RBPMS: variants seen among roughly 807,000 people sequenced by gnomAD.
RBPMS encodes the protein RNA-binding protein with multiple splicing.
Under a neutral mutation model 26.8 loss-of-function variants are expected in RBPMS, and 7 were observed. The observed-to-expected ratio is 0.26, with a 90% confidence interval of 0.15 to 0.49. RBPMS has a LOEUF of 0.49. RBPMS is among the 20% of genes least tolerant of loss of function. RBPMS has a pLI of 0.98. For missense variants in RBPMS, 186 were observed against 250.0 expected (o/e 0.74, Z 1.73); for synonymous variants, 96 against 93.3 (o/e 1.03, Z -0.17).
In RBPMS at chr8:30,385,012, G is replaced by A. The variant is rs1347542680; in HGVS notation, c.-81G>A. 2.6e-6 allele frequency: 3 copies of A among 1,162,704 alleles called. No individual in the cohort carries two copies. Among genetic ancestry groups the A allele is most frequent in the Admixed American group, 7.8e-5 (2 of 25,538 alleles). 72.0% of individuals were successfully genotyped at this position (1,162,704 alleles called of 1,614,324 possible). ...CGCCCGAGGGAGCCCCGGCGCCCGG[G>A]GAAGGCTCCAGTGGGCTAGCGCGCC... is the stretch of plus-strand genomic sequence containing the variant. On this transcript the variant is annotated 5_prime_UTR_variant, in exon 1 of 9. Transcript: ENST00000397323.
At position 30,537,897 on chromosome 8, in the gene RBPMS, T is replaced by A. The variant is rs547068446; in HGVS notation, c.398-6597T>A. 1.9e-4 allele frequency among the ~76,000 whole-genome samples: 29 copies of A among 152,332 alleles called. No homozygotes were observed. In the South Asian group the frequency reaches 5.8e-3, roughly 30 times the overall value. ...TTGGACATGGGAAGTGATGGAGGCT[T>A]CTAGCCTGAGTAAAAGGGATAAAGG... On this transcript the variant is annotated intron_variant, in intron 5 of 8. Transcript: ENST00000397323.
At chr8:30,518,886 C>G (rs1352288435) in intron 5 of RBPMS, among the ~76,000 whole-genome samples, 1 of 151,398 alleles carries the variant, frequency 6.6e-6, no homozygotes, top group Non-Finnish European at 1.5e-5. Flanking sequence ...ACACCTCACA[C>G]CCTGAGCAGG....
chr8:30,560,871 A>G (rs1827407010), intron 7 of RBPMS, among the ~76,000 whole-genome samples: 1 of 152,202 alleles, frequency 6.6e-6, no homozygotes, highest in South Asian at 2.1e-4. Flanking sequence ...ACGAAACCAG[A>G]GGCCCCCATA....
intron 4 of RBPMS, among the ~76,000 whole-genome samples, chr8:30,495,925 C>T (rs1819894113): frequency 6.6e-6 from 1 of 152,170 alleles, no homozygotes; most frequent in South Asian, 2.1e-4. Flanking sequence ...CACACACGCT[C>T]TATTGGGAAT....
rs2150828835 is a variant in RBPMS, at chr8:30,474,935, A to C, written c.144+79A>C. ...TTCTGGGAGCTTTTTGAAGCAAGAA[A>C]TGAAATATTTGAGAAGAAAACAGAT... On this transcript the variant is annotated intron_variant, in intron 2 of 8. Coordinates refer to ENST00000397323, the MANE Select transcript of RBPMS (RefSeq NM_001008710.3). 3 of 916,032 alleles carry C rather than the reference A, an allele frequency of 3.3e-6. No homozygotes were observed. The South Asian group carries it at 4.2e-5, about 13-fold the overall frequency. The allele number at this position is 916,032 out of a possible 1,614,324, so 56.7% of individuals were successfully genotyped here.
At chr8:30,390,710 T>A (rs1002497923) in intron 1 of RBPMS, among the ~76,000 whole-genome samples, 1 of 152,202 alleles carries the variant, frequency 6.6e-6, no homozygotes, top group Admixed American at 6.5e-5. Flanking sequence ...AAAAGTTACT[T>A]TCTGTTATGT....
intron 1 of RBPMS, among the ~76,000 whole-genome samples, chr8:30,387,739 A>G (rs1244860800): frequency 1.3e-5 from 2 of 152,222 alleles, no homozygotes; most frequent in Admixed American, 1.3e-4. Flanking sequence ...CTTTCTCCAC[A>G]TTGTAGAACC....
chr8:30,447,441 G>A (rs975849720), intron 1 of RBPMS, among the ~76,000 whole-genome samples: 2 of 152,174 alleles, frequency 1.3e-5, no homozygotes, highest in African/African-American at 4.8e-5. Flanking sequence ...GCAATGTTTT[G>A]TGAATTTTGG....
chr8:30,469,466 A>G (rs939348269), intron 1 of RBPMS, among the ~76,000 whole-genome samples: 4 of 152,282 alleles, frequency 2.6e-5, no homozygotes, highest in Admixed American at 1.3e-4. Flanking sequence ...TCTTCTGCCC[A>G]GCACAGGATG....
chr8:30,518,258 C>T (rs748167334), intron 5 of RBPMS, among the ~76,000 whole-genome samples: 1 of 152,178 alleles, frequency 6.6e-6, no homozygotes, highest in South Asian at 2.1e-4. Context: ...CACAGGTTAA[C>T]TGGATCCTGC....
chr8:30,409,408 G>C (rs989345306), intron 1 of RBPMS, among the ~76,000 whole-genome samples: 2 of 152,046 alleles, frequency 1.3e-5, no homozygotes, highest in Non-Finnish European at 2.9e-5. Flanking sequence ...GGTCAGGTGG[G>C]CCTCGAACTC....
At chr8:30,520,919 A>G (rs929249768) in intron 5 of RBPMS, among the ~76,000 whole-genome samples, 10 of 152,134 alleles carry the variant, frequency 6.6e-5, no homozygotes, top group African/African-American at 2.2e-4. Flanking sequence ...TTTCTTCCCA[A>G]TTGTAAGGCT....
chr8:30,462,738 T>C (rs1424634071), intron 1 of RBPMS, among the ~76,000 whole-genome samples: 1 of 152,010 alleles, frequency 6.6e-6, no homozygotes, highest in South Asian at 2.1e-4. Flanking sequence ...GATTTTTTGT[T>C]GTTGTTGTTG....
chr8:30,449,461 C>G (rs1461338331), intron 1 of RBPMS, among the ~76,000 whole-genome samples: 1 of 151,008 alleles, frequency 6.6e-6, no homozygotes, highest in Non-Finnish European at 1.5e-5. Context: ...ACCTTCACCT[C>G]CTGGTTCAAG....
intron 5 of RBPMS, among the ~76,000 whole-genome samples, chr8:30,519,450 A>ATCTC (rs1313779130): frequency 1.8e-5 from 2 of 113,274 alleles, no homozygotes; most frequent in African/African-American, 3.6e-5. Context: ...ACGTGGGAGG[A>ATCTC]TCTCTCTCTT....
intron 6 of RBPMS, among the ~76,000 whole-genome samples, chr8:30,546,421 T>C (rs1825871487): frequency 6.6e-6 from 1 of 152,184 alleles, no homozygotes; most frequent in African/African-American, 2.4e-5. Flanking sequence ...ATGGGTCAAA[T>C]CAGAAGTAAT....
At chr8:30,510,637 C>T (rs1270687807) in intron 5 of RBPMS, among the ~76,000 whole-genome samples, 1 of 152,128 alleles carries the variant, frequency 6.6e-6, no homozygotes, top group African/African-American at 2.4e-5. Context: ...GGCAGGAGTT[C>T]AGTGGCACAA....
intron 4 of RBPMS, 72 bp downstream of exon 4, chr8:30,479,449 G>T (rs114566046): frequency 4.6e-6 from 5 of 1,094,590 alleles, no homozygotes; most frequent in East Asian, 2.4e-5. Flanking sequence ...CTCTTTGGAC[G>T]GGAAATCAAG....
chr8:30,500,049 AGCTG>A (rs1820387825), intron 4 of RBPMS, among the ~76,000 whole-genome samples: 1 of 152,214 alleles, frequency 6.6e-6, no homozygotes, highest in Non-Finnish European at 1.5e-5. Flanking sequence ...TTAAAAACAT[AGCTG>A]GTTGAATGCT....
Sources: gnomAD v4.1 joint callset for allele counts (sites outside exome capture counted in the v4.1 genomes callset) on GRCh38, gnomAD v4.1.1 for gene constraint, MANE v1.5 for transcripts, NCBI Gene and HGNC (gene_info 2026-07-23, HGNC 2026-07-21) for gene names.